The following PCLO variants were observed in gnomAD, a reference collection of about 807,000 sequenced individuals.
PCLO encodes piccolo presynaptic cytomatrix protein, also known as protein piccolo.
A neutral mutation model predicts 427.5 loss-of-function variants in PCLO; 82 were observed. The ratio of observed to expected loss-of-function variants is 0.19; its 90% CI spans 0.16 to 0.23. The LOEUF is 0.23. Among genes scored for constraint, PCLO ranks in the 10% least tolerant of loss-of-function variants. The pLI, the probability that PCLO is intolerant of heterozygous loss-of-function variation, is 1.00. For synonymous variants in PCLO, 2,357 were observed against 2,155.4 expected, an observed-to-expected ratio of 1.09 and a Z score of -2.59; for missense variants, 6,239 against 6,115.9, an observed-to-expected ratio of 1.02 and a Z score of -0.67.
chr7:82,904,719 C>T (rs996173730), intron 8 of PCLO, among the ~76,000 whole-genome samples: 5 of 151,980 alleles, frequency 3.3e-5, no homozygotes, highest in African/African-American at 1.2e-4. Flanking sequence ...GAAGAGTCAT[C>T]ATCAGGCTTC....
At chr7:83,051,240 T>A (rs1789246520) in intron 3 of PCLO, among the ~76,000 whole-genome samples, 1 of 151,920 alleles carries the variant, frequency 6.6e-6, no homozygotes, top group Admixed American at 6.6e-5. Flanking sequence ...GAAAAAGATA[T>A]ATAGGTTGGG....
chr7:82,810,479 G>T (rs1340199495), intron 20 of PCLO, among the ~76,000 whole-genome samples: 1 of 151,206 alleles, frequency 6.6e-6, no homozygotes, highest in Non-Finnish European at 1.5e-5. Context: ...GGAAAGAGTG[G>T]ATGCTATAAA....
At chr7:83,087,762 C>T (rs1562957532) in intron 3 of PCLO, among the ~76,000 whole-genome samples, 2 of 151,856 alleles carry the variant, frequency 1.3e-5, no homozygotes, top group African/African-American at 4.8e-5. Flanking sequence ...TGAGTTATAT[C>T]AGGCAAAGAT....
Position 82,940,104 on chromosome 7 carries a change from G to A in PCLO, c.11112+9372C>T, listed in dbSNP as rs1376053188. Among the ~76,000 whole-genome samples, 5 of 152,154 alleles carry A rather than the reference G, an allele frequency of 3.3e-5. No homozygotes were observed. The East Asian group carries it at 9.6e-4, about 29-fold the overall frequency. On this transcript the variant is annotated intron_variant, in intron 6 of 24. Transcript: ENST00000333891. ...CACATCCAATGTCATGAGAATGGAT[G>A]TATAAATGAATGGCCGATTAGATAA...
chr7:83,047,332 A>G (rs1350137559), intron 3 of PCLO, among the ~76,000 whole-genome samples: 1 of 152,008 alleles, frequency 6.6e-6, no homozygotes, highest in East Asian at 1.9e-4. Context: ...ATCAAAAAAG[A>G]TGTATGATTA....
chr7:83,118,593 C>T (rs977954375), intron 3 of PCLO, among the ~76,000 whole-genome samples: 1 of 152,060 alleles, frequency 6.6e-6, no homozygotes, highest in South Asian at 2.1e-4. Context: ...CAGTGCTTCC[C>T]TGTCACAGCA....
At chr7:83,154,022 G>A (rs1449435252) in intron 2 of PCLO, among the ~76,000 whole-genome samples, 2 of 151,906 alleles carry the variant, frequency 1.3e-5, no homozygotes, top group Non-Finnish European at 2.9e-5. Flanking sequence ...TCCTCAATCT[G>A]AGTAAACAAA....
chr7:83,002,053 T>TG (rs1787837108), intron 3 of PCLO, among the ~76,000 whole-genome samples: 1 of 152,102 alleles, frequency 6.6e-6, no homozygotes, highest in African/African-American at 2.4e-5. Flanking sequence ...TTCTCTTTCT[T>TG]GGGATACTTA....
At chr7:82,924,111 C>T (rs920684919) in intron 6 of PCLO, among the ~76,000 whole-genome samples, 5 of 152,046 alleles carry the variant, frequency 3.3e-5, no homozygotes, top group African/African-American at 1.2e-4. Flanking sequence ...GAGAATCCTA[C>T]TATTTGTTTA....
chr7:82,893,027 G>T (rs1793809489), intron 9 of PCLO, among the ~76,000 whole-genome samples: 1 of 152,122 alleles, frequency 6.6e-6, no homozygotes, highest in African/African-American at 2.4e-5. Context: ...ATTCCTCAGG[G>T]ATCTAGAACT....
At chr7:82,827,831 A>C in intron 17 of PCLO, 42 bp downstream of exon 17, 1 of 1,087,656 alleles carries the variant, frequency 9.2e-7, no homozygotes, top group Non-Finnish European at 1.4e-6. Context: ...CACTGTACTT[A>C]TATTAGCCTA....
In PCLO at chr7:83,155,805, G is replaced by A. The variant is rs1329684450; in HGVS notation, c.836C>T (p.Ser279Phe). ...GTCTGCCTGTTTAGTCTGAGGCCTG[G>A]ATGCATCTCGTTGAAGTGGCAATTT... ...HAKLPLQRDA[S>F]RPQTKQADIV... The change falls in exon 2 of 25, where the codon TCC becomes TTC. Residue 279 changes from serine to phenylalanine, a missense_variant. Transcript: ENST00000333891. 2 of 1,613,744 alleles carry A rather than the reference G, an allele frequency of 1.2e-6. No homozygotes were observed. Among genetic ancestry groups the A allele is most frequent in the Admixed American group, 1.7e-5 (1 of 59,980 alleles).
intron 3 of PCLO, among the ~76,000 whole-genome samples, chr7:83,055,060 T>C (rs149756073): frequency 7.8e-4 from 119 of 152,226 alleles, no homozygotes; most frequent in African/African-American, 2.7e-3. Context: ...CCTGAAGGAT[T>C]TGTAAATTAC....
intron 9 of PCLO, among the ~76,000 whole-genome samples, chr7:82,892,366 C>G (rs369195747): frequency 6.6e-6 from 1 of 152,088 alleles, no homozygotes; most frequent in Non-Finnish European, 1.5e-5. Flanking sequence ...GGAAAACTGG[C>G]TAGCCATATG....
chr7:82,837,752 T>C (rs1792265613), intron 15 of PCLO, among the ~76,000 whole-genome samples: 1 of 152,022 alleles, frequency 6.6e-6, no homozygotes, highest in African/African-American at 2.4e-5. Flanking sequence ...GAAATATGTG[T>C]ATAAATAAGG....
At chr7:83,086,776 T>C (rs556239972) in intron 3 of PCLO, among the ~76,000 whole-genome samples, 1 of 152,256 alleles carries the variant, frequency 6.6e-6, no homozygotes, top group Admixed American at 6.5e-5. Flanking sequence ...CTCATCAAAA[T>C]CTTGTTTATA....
At chr7:82,976,562 T>A (rs947860976) in intron 3 of PCLO, among the ~76,000 whole-genome samples, 2 of 152,020 alleles carry the variant, frequency 1.3e-5, no homozygotes, top group Admixed American at 6.5e-5. Context: ...CTTTTATCCA[T>A]GATTGTTGGT....
At chr7:83,140,737 T>C (rs1247099678) in intron 2 of PCLO, among the ~76,000 whole-genome samples, 2 of 152,212 alleles carry the variant, frequency 1.3e-5, no homozygotes, top group Admixed American at 1.3e-4. Context: ...ATTCACATTT[T>C]GATTCAAATT....
In PCLO at chr7:83,053,142, T is replaced by C. The variant is rs1027625306; in HGVS notation, c.3300+81108A>G. Among the ~76,000 whole-genome samples the C allele has an allele frequency of 1.7e-4, 26 of 152,108 alleles. 1 individual carries two copies. Among genetic ancestry groups the C allele is most frequent in the African/African-American group, 1.7e-4 (7 of 41,570 alleles). On this transcript the variant is annotated intron_variant, in intron 3 of 24. Transcript: ENST00000333891. ...ATGTTAGCCCACTTGAAATTTACTA[T>C]ACATTCTCTATGCACTCATGTCATT...
Sources: allele counts gnomAD v4.1 joint callset (sites outside exome capture counted in the v4.1 genomes callset), GRCh38; gene constraint gnomAD v4.1.1; transcripts MANE v1.5; gene names NCBI Gene and HGNC (gene_info 2026-07-23, HGNC 2026-07-21).